NKAIN2: variants seen among roughly 807,000 people sequenced by gnomAD.
NKAIN2 encodes the protein sodium/potassium transporting ATPase interacting 2.
Under a neutral mutation model 32.6 loss-of-function variants are expected in NKAIN2, and 14 were observed. The ratio of observed to expected loss-of-function variants is 0.43; its 90% confidence interval spans 0.28 to 0.67. The LOEUF (loss-of-function observed/expected upper bound fraction) is 0.67. NKAIN2 is among the 30% of genes least tolerant of loss of function. The pLI, the probability that NKAIN2 is intolerant of heterozygous loss-of-function variation, is 0.17. For synonymous variants in NKAIN2, 80 were observed against 87.2 expected (o/e 0.92, Z 0.46); for missense variants, 198 against 258.3 (o/e 0.77, Z 1.60).
intron 4 of NKAIN2, among the ~76,000 whole-genome samples, chr6:124,662,008 A>G (rs1784762831): frequency 6.6e-6 from 1 of 152,168 alleles, no homozygotes; most frequent in Non-Finnish European, 1.5e-5. Flanking sequence ...AGCTCTTCCT[A>G]AGATATTTTA....
intron 3 of NKAIN2, among the ~76,000 whole-genome samples, chr6:124,515,235 T>C (rs1221030424): frequency 6.6e-6 from 1 of 152,106 alleles, no homozygotes; most frequent in Admixed American, 6.5e-5. Flanking sequence ...TGTAAAGGAA[T>C]ACCTTAGGCT....
intron 4 of NKAIN2, among the ~76,000 whole-genome samples, chr6:124,665,892 C>G (rs1772771661): frequency 6.6e-6 from 1 of 152,142 alleles, no homozygotes; most frequent in Admixed American, 6.5e-5. Context: ...TACCGTACTT[C>G]TCAGTAAATC....
chr6:124,127,841 T>C (rs1786257978), intron 1 of NKAIN2, among the ~76,000 whole-genome samples: 1 of 152,090 alleles, frequency 6.6e-6, no homozygotes, highest in African/African-American at 2.4e-5. Context: ...TCCCGTTTTT[T>C]TTTTAGATGG....
At chr6:124,729,564 T>C (rs957771880) in intron 4 of NKAIN2, among the ~76,000 whole-genome samples, 3 of 151,670 alleles carry the variant, frequency 2.0e-5, no homozygotes, top group African/African-American at 7.3e-5. Context: ...TATTTCAAAA[T>C]AATAAAAGCT....
In NKAIN2 at chr6:123,890,329, C is replaced by T. The variant is rs372670893; in HGVS notation, c.54+86075C>T. On this transcript the variant is annotated intron_variant, in intron 1 of 6. Coordinates refer to ENST00000368417, the MANE Select transcript of NKAIN2 (RefSeq NM_001040214.3). Reference sequence around the variant, plus strand: ...AAGCAGAAAACTAGGACAGCACATTCTCTATTTATAGTAGTGGAGGATGAG... The same window carrying T: ...AAGCAGAAAACTAGGACAGCACATTTTCTATTTATAGTAGTGGAGGATGAG... Among the ~76,000 whole-genome samples the T allele has an allele frequency of 2.0e-5, 3 of 151,850 alleles. No homozygotes were observed. In the East Asian group the frequency reaches 5.9e-4, roughly 30 times the overall value.
intron 4 of NKAIN2, among the ~76,000 whole-genome samples, chr6:124,712,690 C>G (rs150569041): frequency 0.015 from 2,304 of 151,492 alleles, 30 homozygotes; most frequent in Middle Eastern, 0.027. Context: ...GCACGGTGTG[C>G]GCACCCACTG....
intron 3 of NKAIN2, among the ~76,000 whole-genome samples, chr6:124,365,644 G>T (rs1199010682): frequency 2.6e-5 from 4 of 151,646 alleles, no homozygotes; most frequent in African/African-American, 9.7e-5. Context: ...ATTCAATAAG[G>T]ATATAGAATA....
At chr6:124,319,534 A>G (rs1797088453) in intron 2 of NKAIN2, among the ~76,000 whole-genome samples, 1 of 152,128 alleles carries the variant, frequency 6.6e-6, no homozygotes, top group African/African-American at 2.4e-5. Flanking sequence ...GAAGTATGGC[A>G]ATCTAATTAT....
chr6:124,336,985 T>C (rs1797904330), intron 2 of NKAIN2, among the ~76,000 whole-genome samples: 1 of 152,270 alleles, frequency 6.6e-6, no homozygotes, highest in East Asian at 1.9e-4. Context: ...TTTCATTTTT[T>C]AATGAATCTT....
intron 4 of NKAIN2, among the ~76,000 whole-genome samples, chr6:124,715,985 G>A (rs1775733603): frequency 6.6e-6 from 1 of 152,144 alleles, no homozygotes; most frequent in Non-Finnish European, 1.5e-5. Context: ...CTGTTCTTTG[G>A]TATTTTCCTA....
intron 4 of NKAIN2, among the ~76,000 whole-genome samples, chr6:124,698,196 G>A (rs1231384615): frequency 1.3e-5 from 2 of 152,288 alleles, no homozygotes; most frequent in East Asian, 3.9e-4. Context: ...ATCTAAGCCA[G>A]TTTGCAGTGT....
At chr6:123,861,320 A>G (rs1039509266) in intron 1 of NKAIN2, among the ~76,000 whole-genome samples, 1 of 152,238 alleles carries the variant, frequency 6.6e-6, no homozygotes, top group Non-Finnish European at 1.5e-5. Flanking sequence ...AAAGCTTTCT[A>G]AATATCTGCT....
intron 1 of NKAIN2, among the ~76,000 whole-genome samples, chr6:124,141,733 T>A (rs181218980): frequency 1.3e-5 from 2 of 152,204 alleles, no homozygotes; most frequent in East Asian, 3.9e-4. Flanking sequence ...TCCTATCAGA[T>A]CAATATTGGT....
At chr6:124,698,985 G>C (rs1432477919) in intron 4 of NKAIN2, among the ~76,000 whole-genome samples, 1 of 152,184 alleles carries the variant, frequency 6.6e-6, no homozygotes, top group Non-Finnish European at 1.5e-5. Flanking sequence ...CTCATTAACT[G>C]TAGGGCTTTT....
chr6:124,438,781 C>A (rs139236209), intron 3 of NKAIN2, among the ~76,000 whole-genome samples: 2 of 152,158 alleles, frequency 1.3e-5, no homozygotes, highest in Non-Finnish European at 2.9e-5. Context: ...TCATTCAACA[C>A]CAATTCTCAC....
chr6:124,186,172 G>GGAGGGAGGGAAA (rs1562409050), intron 1 of NKAIN2, among the ~76,000 whole-genome samples: 1 of 132,704 alleles, frequency 7.5e-6, no homozygotes, highest in African/African-American at 3.2e-5. Context: ...AGGGAGGGAG[G>GGAGGGAGGGAAA]GAAAGAAAGA....
chr6:124,714,538 AAAC>A (rs1176338081), intron 4 of NKAIN2, among the ~76,000 whole-genome samples: 1 of 152,218 alleles, frequency 6.6e-6, no homozygotes, highest in Non-Finnish European at 1.5e-5. Context: ...AGATATAGGA[AAAC>A]AACATTTGTG....
chr6:124,071,770 A>G (rs1255187018), intron 1 of NKAIN2, among the ~76,000 whole-genome samples: 1 of 152,198 alleles, frequency 6.6e-6, no homozygotes, highest in Non-Finnish European at 1.5e-5. Flanking sequence ...CAAAACCACA[A>G]TGAAATACTA....
chr6:124,670,077 A>G (rs968026421), intron 4 of NKAIN2, among the ~76,000 whole-genome samples: 1 of 152,126 alleles, frequency 6.6e-6, no homozygotes, highest in African/African-American at 2.4e-5. Context: ...AATGGCAAAA[A>G]CCACAATTAT....
Sources: allele counts gnomAD v4.1 joint callset (sites outside exome capture counted in the v4.1 genomes callset), GRCh38; gene constraint gnomAD v4.1.1; transcripts MANE v1.5; gene names NCBI Gene and HGNC (gene_info 2026-07-23, HGNC 2026-07-21).